Variants in PLXDC1 observed in about 807,000 individuals in gnomAD.
The protein encoded by PLXDC1 is plexin domain containing 1.
PLXDC1 carries 39 observed loss-of-function variants against 61.3 expected under a neutral mutation model. The ratio of observed to expected loss-of-function variants is 0.64; its 90% CI spans 0.49 to 0.83. PLXDC1 has a LOEUF of 0.83. Ranked by LOEUF, PLXDC1 falls within the 40% of genes least tolerant of loss-of-function variation. PLXDC1 has a pLI of 0.00. For missense variants in PLXDC1, 596 were observed against 666.5 expected, an observed-to-expected ratio of 0.89 and a Z score of 1.17; for synonymous variants, 212 against 254.5, an observed-to-expected ratio of 0.83 and a Z score of 1.59.
At chr17:39,107,203 G>A (rs1021529306) in intron 6 of PLXDC1, among the ~76,000 whole-genome samples, 2 of 152,174 alleles carry the variant, frequency 1.3e-5, no homozygotes, top group Non-Finnish European at 2.9e-5. Context: ...TGTCACAGTG[G>A]TGATTCTACA....
At chr17:39,093,397 C>A (rs1910026221) in intron 7 of PLXDC1, among the ~76,000 whole-genome samples, 1 of 152,128 alleles carries the variant, frequency 6.6e-6, no homozygotes, top group African/African-American at 2.4e-5. Context: ...TTACCGAGCC[C>A]AGTTGTTTAT....
In PLXDC1 at chr17:39,109,327, A is replaced by G. The variant is rs750977007; in HGVS notation, c.320T>C (p.Leu107Pro). 5 of 1,611,674 alleles carry G rather than the reference A, an allele frequency of 3.1e-6. No homozygotes were observed. In the East Asian group the frequency reaches 1.1e-4, roughly 36 times the overall value. The change falls in exon 3 of 14, where the codon CTG becomes CCG. Residue 107 changes from leucine (L) to proline (P), a missense_variant. Physicochemically the swap from Leu to Pro is moderately conservative, Grantham distance 98 (BLOSUM62 -3). Transcript: ENST00000315392. ...YGPSEPHSRE[L>P]WVDVAEANRS... ...GTTGGCCTCGGCCACATCTACCCAC[A>G]GTTCCCGGCTGTGGGGCTCGCTGGG...
At position 39,067,515 on chromosome 17, in the gene PLXDC1, G is replaced by T. The variant is rs1908940100; in HGVS notation, c.*325C>A. 1.8e-5 allele frequency: 4 copies of T among 216,284 alleles called. No homozygotes were observed. The Admixed American group carries it at 2.1e-4, about 11-fold the overall frequency. 13.4% of individuals were successfully genotyped at this position (216,284 alleles called of 1,614,324 possible). ...TTATCCTAGCCTAGGTGCAGGAATA[G>T]GTAAAGGCCCCTTAAACAAAAATGG... On this transcript the variant is annotated 3_prime_UTR_variant, in exon 14 of 14. Coordinates refer to ENST00000315392, the MANE Select transcript of PLXDC1 (RefSeq NM_020405.5).
chr17:39,089,905 C>A (rs1004886599), intron 7 of PLXDC1, among the ~76,000 whole-genome samples: 1 of 152,164 alleles, frequency 6.6e-6, no homozygotes, highest in African/African-American at 2.4e-5. Context: ...TCAAGCAATT[C>A]TCCTGCCTCA....
At chr17:39,122,527 A>G (rs1199128991) in intron 2 of PLXDC1, among the ~76,000 whole-genome samples, 1 of 152,126 alleles carries the variant, frequency 6.6e-6, no homozygotes, top group Non-Finnish European at 1.5e-5. Flanking sequence ...AGATAGCAGG[A>G]ACCTAGGCCC....
chr17:39,108,875 C>T lies in PLXDC1; in HGVS notation c.469+29G>A, dbSNP rs377140915. The T allele has an allele frequency of 8.3e-6, 13 of 1,562,384 alleles. No individual in the cohort carries two copies. In the African/African-American group the frequency reaches 1.8e-4, roughly 21 times the overall value. ...GAGTTCGGGCTGAGGTCTCCAGACT[C>T]TCCCCGGGGCCCCACGACGTGGCCT... is the stretch of plus-strand genomic sequence containing the variant. On this transcript the variant is annotated intron_variant, in intron 4 of 13. Transcript: ENST00000315392.
chr17:39,116,947 C>T (rs16236), intron 2 of PLXDC1, among the ~76,000 whole-genome samples: 13,083 of 152,272 alleles, frequency 0.086, 708 homozygotes, highest in Non-Finnish European at 0.12. Flanking sequence ...AGGGCCAGGG[C>T]GTGCCAGATT....
At chr17:39,070,058 C>G (rs1909056247) in intron 12 of PLXDC1, 42 bp from the exon 13 acceptor site, 1 of 1,539,866 alleles carries the variant, frequency 6.5e-7, no homozygotes, top group South Asian at 1.1e-5. Flanking sequence ...TGCAGGGGAG[C>G]AGGGAAGGTC....
intron 7 of PLXDC1, among the ~76,000 whole-genome samples, chr17:39,092,888 A>T (rs534102052): frequency 4.8e-4 from 73 of 152,154 alleles, no homozygotes; most frequent in Admixed American, 1.7e-3. Flanking sequence ...AAATACTTCC[A>T]CGGTAGCTGA....
chr17:39,152,796 A>G, upstream of PLXDC1: 2 of 744,242 alleles, frequency 2.7e-6, no homozygotes, highest in Non-Finnish European at 3.7e-6. Flanking sequence ...AAAAGAAAAG[A>G]AAAAAAAACA....
chr17:39,072,358 TA>T, intron 12 of PLXDC1, 91 bp downstream of exon 12: 1 of 900,664 alleles, frequency 1.1e-6, no homozygotes, highest in Non-Finnish European at 1.8e-6. Flanking sequence ...TCCGCACTCA[TA>T]AAAATAGCCC....
intron 11 of PLXDC1, among the ~76,000 whole-genome samples, chr17:39,073,724 G>T (rs1184368147): frequency 6.6e-6 from 1 of 152,242 alleles, no homozygotes; most frequent in Non-Finnish European, 1.5e-5. Context: ...TTGATCAAAT[G>T]AGTGGTCATT....
chr17:39,101,199 C>T (rs1473338808), intron 7 of PLXDC1, among the ~76,000 whole-genome samples: 1 of 152,298 alleles, frequency 6.6e-6, no homozygotes, highest in Non-Finnish European at 1.5e-5. Context: ...AACAGTTCCT[C>T]GTGTAGCAGC....
intron 1 of PLXDC1, among the ~76,000 whole-genome samples, chr17:39,140,376 G>T (rs140907835): frequency 0.016 from 2,447 of 152,156 alleles, 79 homozygotes; most frequent in Non-Finnish European, 0.016. Context: ...CCCGAGCTCC[G>T]CTCCCTGCAA....
intron 1 of PLXDC1, among the ~76,000 whole-genome samples, chr17:39,141,475 T>C (rs1011129127): frequency 6.6e-6 from 1 of 152,268 alleles, no homozygotes; most frequent in Non-Finnish European, 1.5e-5. Context: ...TTGACTTCCT[T>C]TTGAAGGCTG....
intron 2 of PLXDC1, among the ~76,000 whole-genome samples, chr17:39,139,143 T>C (rs1911849737): frequency 6.6e-6 from 1 of 152,182 alleles, no homozygotes; most frequent in Non-Finnish European, 1.5e-5. Context: ...ACCCCAGAAC[T>C]GCCCCAGGCC....
chr17:39,070,849 G>C, intron 12 of PLXDC1, among the ~76,000 whole-genome samples: 1 of 152,138 alleles, frequency 6.6e-6, no homozygotes, highest in Admixed American at 6.5e-5. Flanking sequence ...ATGGTGGCAC[G>C]CGCCTGTAGT....
intron 8 of PLXDC1, among the ~76,000 whole-genome samples, chr17:39,085,654 C>G (rs1386471298): frequency 6.6e-6 from 1 of 152,098 alleles, no homozygotes; most frequent in Non-Finnish European, 1.5e-5. Context: ...TGGGTCTCTC[C>G]TAGAAGAGGG....
intron 2 of PLXDC1, among the ~76,000 whole-genome samples, chr17:39,129,622 A>G (rs1479800470): frequency 2.3e-5 from 3 of 130,912 alleles, no homozygotes; most frequent in Non-Finnish European, 4.8e-5. Context: ...GTCAGAAAGA[A>G]AGAAAGAAAA....
Sources: allele counts gnomAD v4.1 joint callset (sites outside exome capture counted in the v4.1 genomes callset), GRCh38; gene constraint gnomAD v4.1.1; transcripts MANE v1.5; gene names NCBI Gene and HGNC (gene_info 2026-07-23, HGNC 2026-07-21).